The following PPP1R13B variants were observed in gnomAD, a reference collection of about 807,000 sequenced individuals.
The protein encoded by PPP1R13B is apoptosis-stimulating of p53 protein 1.
A neutral mutation model predicts 119.8 loss-of-function variants in PPP1R13B; 44 were observed. That is an observed-to-expected ratio of 0.37 (90% CI 0.29 to 0.47). The LOEUF is 0.47. Among genes scored for constraint, PPP1R13B ranks in the 20% least tolerant of loss-of-function variants. The probability of loss-of-function intolerance (pLI) is 0.99; values close to 1 mark genes in which losing one functional copy is unlikely to be tolerated. For synonymous variants in PPP1R13B, 542 were observed against 561.5 expected (o/e 0.97, Z 0.49); for missense variants, 1,227 against 1,413.5 (o/e 0.87, Z 2.12).
chr14:103,743,502 T>C (rs564158323), intron 9 of PPP1R13B, among the ~76,000 whole-genome samples: 9 of 152,354 alleles, frequency 5.9e-5, no homozygotes, highest in East Asian at 1.9e-4. Flanking sequence ...AGTATCCCCT[T>C]GTAACACAAG....
rs1379902496 is a variant in PPP1R13B, at chr14:103,784,868, T to C, written c.204A>G (p.Lys68=). The C allele has an allele frequency of 1.9e-6, 3 of 1,608,656 alleles. No individual in the cohort carries two copies. In the South Asian group the frequency reaches 3.3e-5, roughly 18 times the overall value. Residue 68 remains lysine, a synonymous_variant, in exon 3 of 17, where the codon AAA becomes AAG. Transcript: ENST00000202556. ...FDHMMYEHLQ[K]WGPRREEVKF... ...TCACTTCTTCCCTCCGTGGACCCCA[T>C]TTCTGAAGATGTTCGTACATCATAT...
chr14:103,739,939 G>A lies in PPP1R13B; in HGVS notation c.2477C>T (p.Thr826Met), dbSNP rs200529911. 245 of 1,614,126 alleles carry A rather than the reference G, an allele frequency of 1.5e-4. 2 individuals are homozygous for A. The African/African-American group carries it at 2.0e-3, about 13-fold the overall frequency. Residue 826 changes from threonine to methionine, a missense_variant, in exon 12 of 17, where the codon ACG (threonine) becomes ATG (methionine). Coordinates refer to ENST00000202556, the MANE Select transcript of PPP1R13B (RefSeq NM_015316.3). ...PAEDNNNNVA[T>M]VPTTEQIPSP... ...CGGGATCTGCTCCGTGGTGGGGACCGTGGCCACGTTGTTGTTATTGTCCTC... is the reference window on the plus strand; with the variant it reads ...CGGGATCTGCTCCGTGGTGGGGACCATGGCCACGTTGTTGTTATTGTCCTC...
At chr14:103,834,106 G>A (rs1343333923) in intron 1 of PPP1R13B, among the ~76,000 whole-genome samples, 1 of 152,198 alleles carries the variant, frequency 6.6e-6, no homozygotes, top group Non-Finnish European at 1.5e-5. Context: ...TGGGCGTGGT[G>A]GCTCACACCT....
intron 16 of PPP1R13B, 58 bp downstream of exon 16, chr14:103,735,945 C>A: frequency 1.3e-6 from 2 of 1,569,756 alleles, no homozygotes; most frequent in Non-Finnish European, 8.7e-7. Context: ...AGGATAGGAC[C>A]GCATGCTGTA....
chr14:103,796,888 C>G (rs1467400985), intron 2 of PPP1R13B, among the ~76,000 whole-genome samples: 1 of 152,048 alleles, frequency 6.6e-6, no homozygotes, highest in African/African-American at 2.4e-5. Context: ...ACCCAGGAGG[C>G]GGAGGTTGCA....
At chr14:103,827,209 A>C (rs539567658) in intron 1 of PPP1R13B, among the ~76,000 whole-genome samples, 8 of 141,564 alleles carry the variant, frequency 5.7e-5, no homozygotes, top group Non-Finnish European at 7.7e-5. Flanking sequence ...GGTGGCACGC[A>C]CCTGTAGTCC....
At chr14:103,811,176 A>C (rs2086146938) in intron 1 of PPP1R13B, among the ~76,000 whole-genome samples, 1 of 151,958 alleles carries the variant, frequency 6.6e-6, no homozygotes, top group South Asian at 2.1e-4. Context: ...GATCACGTGA[A>C]TATTATGGAA....
intron 5 of PPP1R13B, among the ~76,000 whole-genome samples, chr14:103,754,873 G>A (rs564167070): frequency 9.9e-5 from 15 of 151,798 alleles, no homozygotes; most frequent in East Asian, 5.9e-4. Context: ...TCTGCCTCCC[G>A]GGTTCACACC....
intron 1 of PPP1R13B, among the ~76,000 whole-genome samples, chr14:103,841,295 A>T (rs1039416623): frequency 1.3e-5 from 2 of 151,988 alleles, no homozygotes; most frequent in African/African-American, 4.8e-5. Flanking sequence ...CAAAAAAAAA[A>T]ATTTTTTTTA....
At chr14:103,833,939 C>T (rs761901760) in intron 1 of PPP1R13B, among the ~76,000 whole-genome samples, 52 of 152,184 alleles carry the variant, frequency 3.4e-4, no homozygotes, top group Non-Finnish European at 6.3e-4. Flanking sequence ...ATGCTGAGTT[C>T]CTTCAGTAAG....
chr14:103,742,952 G>T lies in PPP1R13B; in HGVS notation c.1151-129C>A. The T allele has an allele frequency of 1.9e-6, 2 of 1,064,202 alleles. No individual in the cohort carries two copies. The highest frequency in any genetic ancestry group is 2.7e-6 in the Non-Finnish European group (2 of 734,148). 65.9% of individuals were successfully genotyped at this position (1,064,202 alleles called of 1,614,324 possible). A position where few individuals can be genotyped will look rare whatever the true frequency, so the allele number is the denominator to read the frequency against. On this transcript the variant is annotated intron_variant, in intron 9 of 16. Coordinates refer to ENST00000202556, the MANE Select transcript of PPP1R13B (RefSeq NM_015316.3). This position sits in a 1 kb window ranked among gnomAD's most constrained non-coding sequence, Gnocchi z 4.9. The stretch of plus-strand genomic sequence containing the variant: ...TCTGATGCAGATCCATTAACCGAGT[G>T]GTCAACCACCAGCCACATGCACAAC...
At chr14:103,843,970 G>T (rs2086967857) in intron 1 of PPP1R13B, among the ~76,000 whole-genome samples, 1 of 148,718 alleles carries the variant, frequency 6.7e-6, no homozygotes, top group Non-Finnish European at 1.5e-5. Flanking sequence ...AAAAAAAGTG[G>T]AAAGGCCAGG....
In PPP1R13B at chr14:103,797,356, G is replaced by T. The variant is rs1379231188; in HGVS notation, c.157+15C>A. On this transcript the variant is annotated intron_variant, in intron 2 of 16. Transcript: ENST00000202556. The stretch of plus-strand genomic sequence containing the variant: ...TTTTATCAATGTAACAATCTTTACA[G>T]GACCTAATACATACCATTTCCCCTC... 1 of 1,600,134 alleles carries T rather than the reference G, an allele frequency of 6.2e-7. No homozygotes were observed. Among genetic ancestry groups the T allele is most frequent in the Non-Finnish European group, 8.5e-7 (1 of 1,174,242 alleles).
At chr14:103,843,746 A>ATCTT (rs1440434398) in intron 1 of PPP1R13B, among the ~76,000 whole-genome samples, 2 of 151,344 alleles carry the variant, frequency 1.3e-5, no homozygotes, top group Non-Finnish European at 2.9e-5. Flanking sequence ...CAAGGTCAAG[A>ATCTT]GATCAAGACA....
At chr14:103,793,245 T>C (rs1188102556) in intron 2 of PPP1R13B, among the ~76,000 whole-genome samples, 3 of 152,078 alleles carry the variant, frequency 2.0e-5, no homozygotes, top group Non-Finnish European at 4.4e-5. Flanking sequence ...ACTACTGATC[T>C]GGTTAGGTTT....
intron 1 of PPP1R13B, among the ~76,000 whole-genome samples, chr14:103,819,129 A>T (rs2086345819): frequency 6.6e-6 from 1 of 152,232 alleles, no homozygotes; most frequent in Non-Finnish European, 1.5e-5. Flanking sequence ...GAGACTGAGA[A>T]TCAATAAGGA....
Position 103,739,933 on chromosome 14 carries a change from G to A in PPP1R13B, c.2483C>T (p.Pro828Leu). The change falls in exon 12 of 17, where the codon CCC becomes CTC. Residue 828 changes from proline to leucine, a missense_variant. Coordinates refer to ENST00000202556, the MANE Select transcript of PPP1R13B (RefSeq NM_015316.3). Reference protein sequence around the residue: ...EDNNNNVATVPTTEQIPSPVA... With the variant: ...EDNNNNVATVLTTEQIPSPVA... ...AGGACTCGGGATCTGCTCCGTGGTG[G>A]GGACCGTGGCCACGTTGTTGTTATT... 6.2e-7 allele frequency: 1 copy of A among 1,614,128 alleles called. No homozygotes were observed. The highest frequency in any genetic ancestry group is 1.6e-4 in the Middle Eastern group (1 of 6,062).
chr14:103,782,925 C>T (rs1295639817), intron 3 of PPP1R13B, among the ~76,000 whole-genome samples: 1 of 151,978 alleles, frequency 6.6e-6, no homozygotes, highest in East Asian at 1.9e-4. Flanking sequence ...CTGTCTCGGC[C>T]CCCCGAGTAG....
intron 4 of PPP1R13B, chr14:103,759,329 AT>A (rs11286571): frequency 0.14 from 18,572 of 129,484 alleles, 1,605 homozygotes; most frequent in African/African-American, 0.27. Context: ...ACGGTACAAG[AT>A]TTTTTTTTTT....
Sources: allele counts gnomAD v4.1 joint callset (sites outside exome capture counted in the v4.1 genomes callset), GRCh38; gene constraint gnomAD v4.1.1; non-coding constraint Gnocchi (gnomAD v3.1); transcripts MANE v1.5; gene names NCBI Gene and HGNC (gene_info 2026-07-23, HGNC 2026-07-21).